The following CCM2 variants were observed in gnomAD, a reference collection of about 807,000 sequenced individuals.
CCM2 encodes the protein CCM2 scaffold protein, also known as cerebral cavernous malformations 2 protein.
In CCM2, 25 loss-of-function variants were observed where a neutral mutation model predicts 44.9. That is an observed-to-expected ratio of 0.56 (90% confidence interval 0.41 to 0.78). The LOEUF (loss-of-function observed/expected upper bound fraction) is 0.78. Among genes scored for constraint, CCM2 ranks in the 30% least tolerant of loss-of-function variants. CCM2 has a pLI of 0.00. For synonymous variants in CCM2, 219 were observed against 241.1 expected (o/e 0.91, Z 0.85); for missense variants, 481 against 580.6 (o/e 0.83, Z 1.76).
chr7:45,069,149 AT>A (rs1412551915), intron 5 of CCM2, among the ~76,000 whole-genome samples: 1 of 152,182 alleles, frequency 6.6e-6, no homozygotes, highest in African/African-American at 2.4e-5. Context: ...CCTTTGTTTA[AT>A]TTCCATATCT....
At chr7:45,055,016 A>C (rs1798192781) in intron 2 of CCM2, among the ~76,000 whole-genome samples, 1 of 152,254 alleles carries the variant, frequency 6.6e-6, no homozygotes, top group African/African-American at 2.4e-5. Flanking sequence ...AAAAAATCTC[A>C]AATGAGTAAA....
intron 1 of CCM2, among the ~76,000 whole-genome samples, chr7:45,032,902 A>G (rs955788695): frequency 2.0e-5 from 3 of 151,994 alleles, no homozygotes; most frequent in Non-Finnish European, 4.4e-5. Flanking sequence ...TTAGCCAGGC[A>G]TGGTGGTGGG....
chr7:45,045,607 T>C (rs990139751), intron 2 of CCM2, among the ~76,000 whole-genome samples: 1 of 152,072 alleles, frequency 6.6e-6, no homozygotes, highest in Non-Finnish European at 1.5e-5. Context: ...CTGGCTAACA[T>C]GGTGAAACAC....
chr7:45,043,317 A>G (rs1341440014), intron 2 of CCM2, among the ~76,000 whole-genome samples: 1 of 152,240 alleles, frequency 6.6e-6, no homozygotes, highest in Non-Finnish European at 1.5e-5. Flanking sequence ...ATACCAAACC[A>G]GACAAAAAAC....
intron 2 of CCM2, among the ~76,000 whole-genome samples, chr7:45,055,784 C>T (rs1355204024): frequency 1.3e-5 from 2 of 152,240 alleles, no homozygotes; most frequent in Non-Finnish European, 2.9e-5. Context: ...CTATCCATCT[C>T]CAGAGCTTCC....
At chr7:45,046,007 G>A (rs560418760) in intron 2 of CCM2, among the ~76,000 whole-genome samples, 1 of 152,292 alleles carries the variant, frequency 6.6e-6, no homozygotes, top group South Asian at 2.1e-4. Context: ...GAGACACACT[G>A]AATTCATGGA....
rs545787247 is a variant in CCM2 at position 45,057,394 on chromosome 7, C to T, written c.205-6524C>T. Among the ~76,000 whole-genome samples the T allele has an allele frequency of 2.3e-4, 35 of 152,178 alleles. No individual in the cohort carries two copies. In the South Asian group the frequency reaches 7.1e-3, roughly 31 times the overall value. On this transcript the variant is annotated intron_variant, in intron 2 of 9. Coordinates refer to ENST00000258781, the MANE Select transcript of CCM2 (RefSeq NM_031443.4). ...GCCAGGATGGTCTTGATATACTGAC[C>T]TCGTGATCCACCCGCCTCGGCCTCC...
intron 1 of CCM2, among the ~76,000 whole-genome samples, chr7:45,006,708 A>G (rs1193661591): frequency 6.6e-6 from 1 of 152,124 alleles, no homozygotes; most frequent in Non-Finnish European, 1.5e-5. Flanking sequence ...CCCTAATCCA[A>G]TCTGATGGAT....
chr7:45,033,191 T>C (rs1346869928), intron 1 of CCM2, among the ~76,000 whole-genome samples: 2 of 151,974 alleles, frequency 1.3e-5, no homozygotes, highest in Non-Finnish European at 2.9e-5. Context: ...CAAGAGTTCC[T>C]ACTATTTCTC....
intron 2 of CCM2, among the ~76,000 whole-genome samples, chr7:45,042,709 T>G (rs1467649559): frequency 6.6e-6 from 1 of 152,062 alleles, no homozygotes; most frequent in Non-Finnish European, 1.5e-5. Flanking sequence ...GACCAATTCC[T>G]TGAAAAGCAC....
chr7:45,073,680 G>A (rs930409389), intron 8 of CCM2, 109 bp downstream of exon 8: 18 of 746,410 alleles, frequency 2.4e-5, no homozygotes, highest in Admixed American at 9.1e-5. Context: ...GCTGCAGTGA[G>A]TGAGGTCACC....
At chr7:44,999,852 G>A (rs1477884567), upstream of CCM2, 2 of 414,234 alleles carry the variant, frequency 4.8e-6, no homozygotes, top group Non-Finnish European at 9.7e-6. Context: ...ACAGGGGGCT[G>A]GACAGGTGCG....
At chr7:45,018,957 G>C (rs1025566231) in intron 1 of CCM2, among the ~76,000 whole-genome samples, 1 of 150,022 alleles carries the variant, frequency 6.7e-6, no homozygotes, top group African/African-American at 2.5e-5. Flanking sequence ...ATGTGGTTTT[G>C]CCATGTTGAC....
chr7:45,040,049 CTA>C (rs1797410125), intron 2 of CCM2, among the ~76,000 whole-genome samples: 1 of 150,910 alleles, frequency 6.6e-6, no homozygotes, highest in Non-Finnish European at 1.5e-5. Context: ...AACAAAACAA[CTA>C]TGTTATTTAT....
At position 45,072,991 on chromosome 7, in the gene CCM2, G is replaced by A. The variant is rs559651679; in HGVS notation, c.803+208G>A. The A allele has an allele frequency of 6.7e-5, 44 of 656,138 alleles. No homozygotes were observed. In the East Asian group the frequency reaches 7.4e-4, roughly 11 times the overall value. The allele number at this position is 656,138 out of a possible 1,614,324, so 40.6% of individuals were successfully genotyped here. On this transcript the variant is annotated intron_variant, in intron 7 of 9. Transcript: ENST00000258781. ...TTCTAGAGCCCTTGCTGTCCCTCTTGTCTCTCCCTGCCTACCTTCCCATGG... is the reference window on the plus strand; with the variant it reads ...TTCTAGAGCCCTTGCTGTCCCTCTTATCTCTCCCTGCCTACCTTCCCATGG...
intron 1 of CCM2, among the ~76,000 whole-genome samples, chr7:45,030,372 A>G (rs565578180): frequency 6.6e-6 from 1 of 152,218 alleles, no homozygotes; most frequent in Non-Finnish European, 1.5e-5. Flanking sequence ...TAGTGAGTTA[A>G]AGAACCCATG....
At chr7:45,027,541 T>TC in intron 1 of CCM2, 1 of 1,355,036 alleles carries the variant, frequency 7.4e-7, no homozygotes, top group Non-Finnish European at 1.0e-6. Flanking sequence ...GCCAACAGTT[T>TC]CTGGGTGCTG....
chr7:45,057,663 G>A (rs1260649107), intron 2 of CCM2, among the ~76,000 whole-genome samples: 1 of 152,202 alleles, frequency 6.6e-6, no homozygotes, highest in African/African-American at 2.4e-5. Flanking sequence ...GGGCAGGTCT[G>A]TGGAAACATT....
chr7:45,076,350 C>G lies in CCM2; in HGVS notation c.*293C>G, dbSNP rs1002076187. The G allele has an allele frequency of 1.7e-6, 1 of 599,098 alleles. No homozygotes were observed. The highest frequency in any genetic ancestry group is 3.1e-6 in the Non-Finnish European group (1 of 321,220). 37.1% of individuals were successfully genotyped at this position (599,098 alleles called of 1,614,324 possible). ...GGCCGAGCGGGCAGGGAGAGCCAGT[C>G]CTGTCGGCTGGGCCCTTGGACGGCT... On this transcript the variant is annotated 3_prime_UTR_variant, in exon 10 of 10. Coordinates refer to ENST00000258781, the MANE Select transcript of CCM2 (RefSeq NM_031443.4).
Sources: allele counts gnomAD v4.1 joint callset (sites outside exome capture counted in the v4.1 genomes callset), GRCh38; gene constraint gnomAD v4.1.1; transcripts MANE v1.5; gene names NCBI Gene and HGNC (gene_info 2026-07-23, HGNC 2026-07-21).